The following KLRG1 variants were observed in gnomAD, a reference collection of about 807,000 sequenced individuals.
KLRG1 encodes the protein killer cell lectin like receptor G1, also known as killer cell lectin-like receptor subfamily G member 1.
In KLRG1, 16 loss-of-function variants were observed where a neutral mutation model predicts 21.8. The ratio of observed to expected loss-of-function variants is 0.73; its 90% confidence interval spans 0.50 to 1.11. KLRG1 has a LOEUF of 1.11. KLRG1 is among the 50% of genes most tolerant of loss of function. KLRG1 has a pLI of 0.00. For missense variants in KLRG1, 173 were observed against 218.3 expected, an observed-to-expected ratio of 0.79 and a Z score of 1.31; for synonymous variants, 69 against 75.9, an observed-to-expected ratio of 0.91 and a Z score of 0.47.
At chr12:9,085,233 AAGAT>A in the KLRG1 span, among the ~76,000 whole-genome samples, 1 of 152,128 alleles carries the variant, frequency 6.6e-6, no homozygotes, top group African/African-American at 2.4e-5. Flanking sequence ...AACATTCTCC[AAGAT>A]AGATCATATT....
the KLRG1 span, chr12:9,164,070 A>G: frequency 6.6e-7 from 1 of 1,519,128 alleles, no homozygotes; most frequent in African/African-American, 1.4e-5. Flanking sequence ...ATATGATGAA[A>G]AAAGTACTCA....
intron 1 of KLRG1, among the ~76,000 whole-genome samples, chr12:8,975,753 G>A (rs1260580540): frequency 1.3e-5 from 2 of 152,072 alleles, no homozygotes; most frequent in East Asian, 3.9e-4. Flanking sequence ...GTAGAGACGA[G>A]GTTTTGCCAT....
chr12:9,141,855 C>A, the KLRG1 span, among the ~76,000 whole-genome samples: 57 of 152,282 alleles, frequency 3.7e-4, 2 homozygotes, highest in African/African-American at 1.3e-3. Flanking sequence ...CAGATAAGGT[C>A]CGACTTATTC....
the KLRG1 span, chr12:9,168,938 G>A: frequency 4.2e-3 from 6,830 of 1,613,840 alleles, 24 homozygotes; most frequent in Non-Finnish European, 4.9e-3. Context: ...TTTGGTTTTC[G>A]GATTTTTGAG....
At chr12:9,127,505 G>A in the KLRG1 span, among the ~76,000 whole-genome samples, 1 of 152,092 alleles carries the variant, frequency 6.6e-6, no homozygotes, top group African/African-American at 2.4e-5. Context: ...TCCTTGAACC[G>A]TTCTCTGCCT....
the KLRG1 span, chr12:9,181,274 T>A: frequency 9.3e-7 from 1 of 1,072,802 alleles, no homozygotes; most frequent in Non-Finnish European, 1.3e-6. Context: ...TTTACAACTT[T>A]CCTTCACTTT....
At chr12:9,059,999 T>TC in the KLRG1 span, among the ~76,000 whole-genome samples, 132 of 125,580 alleles carry the variant, frequency 1.1e-3, no homozygotes, top group African/African-American at 2.2e-3. Context: ...CTGGCATCTT[T>TC]TTTTTTTTTT....
chr12:9,035,306 A>G, the KLRG1 span, among the ~76,000 whole-genome samples: 16 of 152,308 alleles, frequency 1.1e-4, no homozygotes, highest in African/African-American at 3.1e-4. Context: ...AGGGACATGG[A>G]TGAAGCTGGA....
At chr12:9,081,486 A>G in the KLRG1 span, among the ~76,000 whole-genome samples, 1 of 152,234 alleles carries the variant, frequency 6.6e-6, no homozygotes. Flanking sequence ...TCCTCCCTCC[A>G]CAGAAAGTCC....
At chr12:9,214,296 A>C in the KLRG1 span, among the ~76,000 whole-genome samples, 1 of 151,966 alleles carries the variant, frequency 6.6e-6, no homozygotes, top group South Asian at 2.1e-4. Flanking sequence ...TTTTCCCTTC[A>C]ACATTGTTGT....
At chr12:9,101,179 G>C in the KLRG1 span, 2 of 1,561,732 alleles carry the variant, frequency 1.3e-6, no homozygotes, top group East Asian at 2.4e-5. Context: ...ATGAGTCCCA[G>C]TTCGGACAAT....
chr12:8,957,750 C>CA (rs1237527224), intron 1 of KLRG1, among the ~76,000 whole-genome samples: 1 of 152,124 alleles, frequency 6.6e-6, no homozygotes, highest in Non-Finnish European at 1.5e-5. Context: ...GGAGTGTCCC[C>CA]AGCGTGTTTC....
chr12:9,214,838 A>G, the KLRG1 span, among the ~76,000 whole-genome samples: 282 of 152,122 alleles, frequency 1.9e-3, 1 homozygote, highest in African/African-American at 6.6e-3. Context: ...TCTTGGGCAT[A>G]TAATGCTATT....
downstream of KLRG1, among the ~76,000 whole-genome samples, chr12:9,015,755 T>G (rs1414121899): frequency 6.6e-6 from 1 of 152,190 alleles, no homozygotes; most frequent in East Asian, 1.9e-4. Flanking sequence ...GATCATATGT[T>G]TGGTCACAAA....
chr12:8,972,258 C>T (rs1354894685), intron 1 of KLRG1, among the ~76,000 whole-genome samples: 3 of 152,074 alleles, frequency 2.0e-5, no homozygotes, highest in South Asian at 4.1e-4. Context: ...CCTGGGTTCA[C>T]ACCATTCTCC....
At chr12:8,966,015 G>A (rs1009117749) in intron 1 of KLRG1, among the ~76,000 whole-genome samples, 3 of 152,096 alleles carry the variant, frequency 2.0e-5, no homozygotes, top group African/African-American at 7.2e-5. Context: ...ACAGAACAGA[G>A]CCCTCAGAGA....
At chr12:9,108,660 C>G in the KLRG1 span, among the ~76,000 whole-genome samples, 2 of 152,168 alleles carry the variant, frequency 1.3e-5, no homozygotes, top group African/African-American at 4.8e-5. Context: ...CAGGACTATA[C>G]CTGCTCTTCC....
the KLRG1 span, chr12:9,058,581 A>G: frequency 6.6e-6 from 1 of 152,232 alleles, no homozygotes; most frequent in Non-Finnish European, 1.5e-5. Context: ...AAACAAATCC[A>G]TACCTACTGG....
intron 1 of KLRG1, among the ~76,000 whole-genome samples, chr12:8,977,320 C>G (rs1946673266): frequency 6.6e-6 from 1 of 151,466 alleles, no homozygotes; most frequent in Non-Finnish European, 1.5e-5. Context: ...ATTCCTGCCT[C>G]AGCCTCCTGA....
Sources: allele counts gnomAD v4.1 joint callset (sites outside exome capture counted in the v4.1 genomes callset), GRCh38; gene constraint gnomAD v4.1.1; transcripts MANE v1.5; gene names NCBI Gene and HGNC (gene_info 2026-07-23, HGNC 2026-07-21).